The following FTO variants were observed in gnomAD, a reference collection of about 807,000 sequenced individuals.
The protein encoded by FTO is FTO alpha-ketoglutarate dependent dioxygenase.
Under a neutral mutation model 63.9 loss-of-function variants are expected in FTO, and 47 were observed. The observed-to-expected ratio is 0.74, with a 90% CI of 0.58 to 0.94. The LOEUF is 0.94. Ranked by LOEUF, FTO falls within the 40% of genes least tolerant of loss-of-function variation. The probability of loss-of-function intolerance (pLI) is 0.00; values close to 1 mark genes in which losing one functional copy is unlikely to be tolerated. For missense variants in FTO, 562 were observed against 618.1 expected (o/e 0.91, Z 0.96); for synonymous variants, 207 against 224.4 (o/e 0.92, Z 0.69).
intron 8 of FTO, among the ~76,000 whole-genome samples, chr16:54,058,061 T>C (rs531235592): frequency 6.6e-6 from 1 of 152,188 alleles, no homozygotes; most frequent in East Asian, 1.9e-4. Flanking sequence ...GTGGTTGACA[T>C]AGGGCCTGAA....
intron 8 of FTO, among the ~76,000 whole-genome samples, chr16:54,037,553 A>T (rs533247662): frequency 7.2e-5 from 11 of 152,228 alleles, no homozygotes; most frequent in Non-Finnish European, 1.3e-4. Flanking sequence ...AAGAGCATCT[A>T]GTGTATCTTT....
At chr16:54,017,050 T>A (rs532629556) in intron 8 of FTO, among the ~76,000 whole-genome samples, 5 of 152,336 alleles carry the variant, frequency 3.3e-5, no homozygotes, top group African/African-American at 9.6e-5. Flanking sequence ...TTCAGGGATT[T>A]TGATGATGCA....
intron 7 of FTO, among the ~76,000 whole-genome samples, chr16:53,897,204 T>C (rs2151919434): frequency 6.6e-6 from 1 of 152,274 alleles, no homozygotes; most frequent in Admixed American, 6.5e-5. Flanking sequence ...TTTTTTTGCA[T>C]TTTCTTTGCA....
intron 5 of FTO, 148 bp downstream of exon 5, chr16:53,874,013 G>C: frequency 1.5e-6 from 1 of 674,090 alleles, no homozygotes; most frequent in African/African-American, 1.8e-5. Flanking sequence ...CTTGCTTTTT[G>C]AGCTTTGGAT....
At chr16:53,756,982 T>C (rs889532098) in intron 1 of FTO, among the ~76,000 whole-genome samples, 28 of 152,230 alleles carry the variant, frequency 1.8e-4, no homozygotes, top group Admixed American at 5.9e-4. Context: ...TTGTTGTTTT[T>C]AGCTAATAGG....
intron 8 of FTO, chr16:53,984,959 G>A: frequency 2.2e-6 from 1 of 456,424 alleles, no homozygotes; most frequent in African/African-American, 2.0e-5. Context: ...GTGTTGGTAA[G>A]TAGAGAAATT....
intron 1 of FTO, among the ~76,000 whole-genome samples, chr16:53,758,485 A>G (rs527972300): frequency 1.1e-4 from 17 of 152,330 alleles, no homozygotes; most frequent in African/African-American, 2.9e-4. Flanking sequence ...GACCAGCCCA[A>G]TAAAAAATAT....
intron 1 of FTO, 30 bp from the exon 2 acceptor site, chr16:53,810,110 C>T (rs368420121): frequency 1.5e-4 from 224 of 1,463,752 alleles, no homozygotes; most frequent in Non-Finnish European, 2.0e-4. Context: ...ATTGCATATT[C>T]ACTTATATGT....
At chr16:53,841,494 A>G (rs1390430010) in intron 3 of FTO, among the ~76,000 whole-genome samples, 1 of 152,200 alleles carries the variant, frequency 6.6e-6, no homozygotes, top group Admixed American at 6.5e-5. Flanking sequence ...GGGAAAGAGT[A>G]TCCAAAGTCA....
intron 1 of FTO, among the ~76,000 whole-genome samples, chr16:53,722,970 C>G (rs1329020956): frequency 6.6e-6 from 1 of 152,122 alleles, no homozygotes; most frequent in African/African-American, 2.4e-5. Context: ...GTCTGAACCA[C>G]CTATGTGTCC....
At chr16:53,893,965 C>A (rs569297220) in intron 7 of FTO, among the ~76,000 whole-genome samples, 1 of 152,064 alleles carries the variant, frequency 6.6e-6, no homozygotes, top group Non-Finnish European at 1.5e-5. Flanking sequence ...TTAATGTATC[C>A]GTTTGGAAAC....
At chr16:53,868,160 T>C (rs2080384926) in intron 4 of FTO, among the ~76,000 whole-genome samples, 1 of 152,184 alleles carries the variant, frequency 6.6e-6, no homozygotes, top group South Asian at 2.1e-4. Flanking sequence ...TTTTTTAATG[T>C]GTGTATTTAG....
At chr16:53,849,242 G>C (rs1415211833) in intron 4 of FTO, among the ~76,000 whole-genome samples, 1 of 152,128 alleles carries the variant, frequency 6.6e-6, no homozygotes. Flanking sequence ...GGAGCTTAAT[G>C]ATACTTCCTT....
At chr16:53,718,749 A>C (rs1486820708) in intron 1 of FTO, among the ~76,000 whole-genome samples, 7 of 152,194 alleles carry the variant, frequency 4.6e-5, no homozygotes, top group Non-Finnish European at 1.0e-4. Flanking sequence ...TTCTACTGAT[A>C]AAATGTAATT....
chr16:53,843,091 G>C (rs1446546328), intron 3 of FTO, among the ~76,000 whole-genome samples: 1 of 152,002 alleles, frequency 6.6e-6, no homozygotes, highest in Non-Finnish European at 1.5e-5. Flanking sequence ...GTATTTTATT[G>C]TCTGGAGAGA....
At chr16:53,858,382 A>G (rs2080070426) in intron 4 of FTO, among the ~76,000 whole-genome samples, 1 of 152,202 alleles carries the variant, frequency 6.6e-6, no homozygotes, top group African/African-American at 2.4e-5. Context: ...AGAGGTATTC[A>G]TTCACCAAAT....
At chr16:53,724,920 A>G (rs932022340) in intron 1 of FTO, among the ~76,000 whole-genome samples, 1 of 152,166 alleles carries the variant, frequency 6.6e-6, no homozygotes, top group Non-Finnish European at 1.5e-5. Context: ...TTAGCATTGA[A>G]CTTATTCAAG....
chr16:53,866,451 T>G (rs535772565), intron 4 of FTO, among the ~76,000 whole-genome samples: 13 of 152,266 alleles, frequency 8.5e-5, no homozygotes, highest in African/African-American at 3.1e-4. Context: ...TAAGAATTAG[T>G]ATAATTTCTT....
chr16:54,016,164 A>C (rs911127254), intron 8 of FTO, among the ~76,000 whole-genome samples: 2 of 152,182 alleles, frequency 1.3e-5, no homozygotes, highest in Non-Finnish European at 2.9e-5. Context: ...TAGCAGAACT[A>C]ACATCCAAAT....
Sources: gnomAD v4.1 joint callset for allele counts (sites outside exome capture counted in the v4.1 genomes callset) on GRCh38, gnomAD v4.1.1 for gene constraint, MANE v1.5 for transcripts, NCBI Gene and HGNC (gene_info 2026-07-23, HGNC 2026-07-21) for gene names.